Variants in FCHSD2 observed in about 807,000 individuals in gnomAD.
FCHSD2 encodes the protein F-BAR and double SH3 domains protein 2.
In FCHSD2, 38 loss-of-function variants were observed where a neutral mutation model predicts 108.1. The ratio of observed to expected loss-of-function variants is 0.35; its 90% confidence interval spans 0.27 to 0.46. The LOEUF (loss-of-function observed/expected upper bound fraction) is 0.46. Among genes scored for constraint, FCHSD2 ranks in the 20% least tolerant of loss-of-function variants. FCHSD2 has a pLI of 1.00. For missense variants in FCHSD2, 751 were observed against 897.8 expected, an observed-to-expected ratio of 0.84 and a Z score of 2.09; for synonymous variants, 279 against 314.7, an observed-to-expected ratio of 0.89 and a Z score of 1.20.
intron 3 of FCHSD2, among the ~76,000 whole-genome samples, chr11:73,051,095 C>A (rs941412598): frequency 5.9e-5 from 9 of 152,142 alleles, no homozygotes; most frequent in African/African-American, 2.2e-4. Context: ...GTGGGAGGAT[C>A]GCTTGAATCC....
rs34545128 is a variant in FCHSD2 at position 72,982,988 on chromosome 11, CTT to C, written c.705+1098_705+1099del. Among the ~76,000 whole-genome samples the C allele has an allele frequency of 6.6e-3, 1,011 of 152,098 alleles. 14 individuals carry two copies. Among genetic ancestry groups the C allele is most frequent in the African/African-American group, 0.023 (964 of 41,514 alleles). ...CCAGCCTGGTCAACATAGCAAGACT[CTT>C]GTTTCTAAAAATAAAAGAAAGGGGC... On this transcript the variant is annotated intron_variant, in intron 8 of 19. Coordinates refer to ENST00000409418, the MANE Select transcript of FCHSD2 (RefSeq NM_014824.3).
chr11:72,842,347 CT>C (rs1434993241), intron 17 of FCHSD2, among the ~76,000 whole-genome samples: 2 of 152,224 alleles, frequency 1.3e-5, no homozygotes, highest in Non-Finnish European at 1.5e-5. Flanking sequence ...CCAAAACGAT[CT>C]TTGGTATGTC....
chr11:72,843,250 T>G lies in FCHSD2; in HGVS notation c.1606A>C (p.Met536Leu). The G allele has an allele frequency of 1.2e-6, 2 of 1,614,026 alleles. No individual in the cohort carries two copies. Among genetic ancestry groups the G allele is most frequent in the Non-Finnish European group, 1.7e-6 (2 of 1,179,878 alleles). Residue 536 changes from methionine (M) to leucine (L), a missense_variant, in exon 16 of 20, where the codon ATG (methionine) becomes CTG (leucine). Met to Leu is a conservative substitution (Grantham distance 15). Coordinates refer to ENST00000409418, the MANE Select transcript of FCHSD2 (RefSeq NM_014824.3). The stretch of plus-strand genomic sequence containing the variant: ...TCCAAAGCGGCCAGGGACTGCAGCA[T>G]GCTCAGGAGGCTGTTCGAGGTGGGA... ...QFPTSNSLLSMLQSLAALDSR... is the reference protein window; with the variant it reads ...QFPTSNSLLSLLQSLAALDSR...
intron 4 of FCHSD2, among the ~76,000 whole-genome samples, chr11:73,010,182 T>C (rs544588514): frequency 6.6e-5 from 10 of 152,342 alleles, no homozygotes; most frequent in South Asian, 2.1e-4. Context: ...ATCTAGTCTA[T>C]TGTTGAAGCT....
chr11:73,060,652 G>T (rs1188310812), intron 3 of FCHSD2, among the ~76,000 whole-genome samples: 2 of 152,060 alleles, frequency 1.3e-5, no homozygotes, highest in Non-Finnish European at 2.9e-5. Flanking sequence ...AAACACTTAT[G>T]AATGAGAGAT....
At chr11:73,020,607 C>T (rs1448003970) in intron 3 of FCHSD2, among the ~76,000 whole-genome samples, 1 of 151,772 alleles carries the variant, frequency 6.6e-6, no homozygotes, top group Non-Finnish European at 1.5e-5. Context: ...AATTTCACTC[C>T]CATCCTAAAG....
At chr11:73,109,784 G>A (rs895088805) in intron 2 of FCHSD2, among the ~76,000 whole-genome samples, 2 of 152,150 alleles carry the variant, frequency 1.3e-5, no homozygotes, top group Admixed American at 6.6e-5. Flanking sequence ...CCAGATCTTA[G>A]AGGAAAGGCT....
Position 73,141,851 on chromosome 11 carries a change from C to T in FCHSD2, c.21+6G>A. On this transcript the variant is annotated splice_donor_region_variant and intron_variant, in intron 1 of 19. Transcript: ENST00000409418. ...GAACCCCAAAGCCCCCCAGCTGCGC[C>T]CTTACCTTCCTCGGCGGCGGCTGCA... The T allele has an allele frequency of 6.5e-7, 1 of 1,544,976 alleles. No individual in the cohort carries two copies. The highest frequency in any genetic ancestry group is 8.7e-7 in the Non-Finnish European group (1 of 1,146,000).
chr11:72,904,858 A>C (rs1349033258), intron 9 of FCHSD2, among the ~76,000 whole-genome samples: 1 of 152,122 alleles, frequency 6.6e-6, no homozygotes, highest in Non-Finnish European at 1.5e-5. Context: ...TGTTCTGTAG[A>C]GTTTCCTGTA....
At chr11:73,034,874 G>A (rs1858449765) in intron 3 of FCHSD2, among the ~76,000 whole-genome samples, 1 of 152,176 alleles carries the variant, frequency 6.6e-6, no homozygotes, top group African/African-American at 2.4e-5. Flanking sequence ...CAATCTGTCT[G>A]TCAACAACAC....
At chr11:73,094,028 T>C (rs751108201) in intron 2 of FCHSD2, among the ~76,000 whole-genome samples, 50 of 152,158 alleles carry the variant, frequency 3.3e-4, no homozygotes, top group Admixed American at 6.5e-4. Flanking sequence ...CTGGCCAACA[T>C]GGTAAAACCC....
chr11:73,109,941 A>C (rs1860442411), intron 2 of FCHSD2, among the ~76,000 whole-genome samples: 1 of 152,198 alleles, frequency 6.6e-6, no homozygotes, highest in Non-Finnish European at 1.5e-5. Flanking sequence ...TTTGAGCATC[A>C]ATTGAAATGA....
chr11:73,010,090 C>T (rs1775165106), intron 4 of FCHSD2, among the ~76,000 whole-genome samples: 1 of 152,032 alleles, frequency 6.6e-6, no homozygotes, highest in Non-Finnish European at 1.5e-5. Flanking sequence ...TTTGTTAATT[C>T]TTTCTTATTT....
At chr11:72,915,653 T>C (rs1855857276) in intron 9 of FCHSD2, among the ~76,000 whole-genome samples, 1 of 151,898 alleles carries the variant, frequency 6.6e-6, no homozygotes, top group Non-Finnish European at 1.5e-5. Context: ...ACCCCAGCTC[T>C]ACAAAAATAC....
At chr11:72,943,718 C>T (rs1262335709) in intron 8 of FCHSD2, among the ~76,000 whole-genome samples, 1 of 152,066 alleles carries the variant, frequency 6.6e-6, no homozygotes, top group Admixed American at 6.6e-5. Flanking sequence ...AGAATGATAC[C>T]TCACACTTAG....
intron 2 of FCHSD2, among the ~76,000 whole-genome samples, chr11:73,130,164 G>A (rs545765176): frequency 5.9e-5 from 9 of 152,208 alleles, no homozygotes; most frequent in South Asian, 4.1e-4. Flanking sequence ...GTGAGCCACC[G>A]CGCCTGGCCC....
chr11:72,905,633 C>T (rs981875750), intron 9 of FCHSD2, among the ~76,000 whole-genome samples: 1 of 152,050 alleles, frequency 6.6e-6, no homozygotes, highest in Non-Finnish European at 1.5e-5. Flanking sequence ...GTTCCCTACC[C>T]TGTGTCCATG....
intron 8 of FCHSD2, among the ~76,000 whole-genome samples, chr11:72,930,987 T>G (rs969687071): frequency 6.6e-6 from 1 of 151,980 alleles, no homozygotes; most frequent in African/African-American, 2.4e-5. Flanking sequence ...ATGGATACCC[T>G]ACTCCCCATG....
At chr11:72,843,797 C>A in intron 14 of FCHSD2, 1 of 372,794 alleles carries the variant, frequency 2.7e-6, no homozygotes, top group Non-Finnish European at 4.8e-6. Context: ...TAAGCCTGGG[C>A]AACACAGCGA....
Sources: allele counts gnomAD v4.1 joint callset (sites outside exome capture counted in the v4.1 genomes callset), GRCh38; gene constraint gnomAD v4.1.1; transcripts MANE v1.5; gene names NCBI Gene and HGNC (gene_info 2026-07-23, HGNC 2026-07-21).